Variants in LTN1 observed in about 807,000 individuals in gnomAD.
The protein encoded by LTN1 is listerin E3 ubiquitin protein ligase 1.
LTN1 carries 88 observed loss-of-function variants against 201.2 expected under a neutral mutation model. The observed-to-expected ratio is 0.44, with a 90% CI of 0.37 to 0.52. The LOEUF (loss-of-function observed/expected upper bound fraction) is 0.52. Ranked by LOEUF, LTN1 falls within the 20% of genes least tolerant of loss-of-function variation. The pLI, the probability that LTN1 is intolerant of heterozygous loss-of-function variation, is 0.00. For synonymous variants in LTN1, 645 were observed against 713.5 expected (o/e 0.90, Z 1.53); for missense variants, 1,752 against 2,038.7 (o/e 0.86, Z 2.71).
chr21:28,960,406 G>T, intron 12 of LTN1, 111 bp downstream of exon 12: 4 of 761,346 alleles, frequency 5.3e-6, no homozygotes, highest in East Asian at 2.9e-5. Flanking sequence ...ATTTGAATGA[G>T]TAAGTCCTGT....
At chr21:28,990,181 T>C (rs1664887187) in intron 1 of LTN1, among the ~76,000 whole-genome samples, 1 of 152,194 alleles carries the variant, frequency 6.6e-6, no homozygotes. Context: ...GCATCATAAT[T>C]CTTTAACATT....
intron 7 of LTN1, 32 bp from the exon 8 acceptor site, chr21:28,970,774 G>C (rs1340446327): frequency 6.6e-7 from 1 of 1,517,306 alleles, no homozygotes; most frequent in Middle Eastern, 1.7e-4. Context: ...GTAGTAATTA[G>C]AGATCATAAA....
In LTN1 at chr21:28,936,669, C is replaced by T. The variant is rs899889533; in HGVS notation, c.4511G>A (p.Arg1504Gln). 8 of 1,612,138 alleles carry T rather than the reference C, an allele frequency of 5.0e-6. 1 individual carries two copies. In the South Asian group the frequency reaches 5.5e-5, roughly 11 times the overall value. Residue 1504 changes from arginine (R) to glutamine (Q), a missense_variant, in exon 26 of 30, where the codon CGG becomes CAG. Physicochemically the swap from Arg to Gln is conservative, Grantham distance 43. Coordinates refer to ENST00000361371, the MANE Select transcript of LTN1 (RefSeq NM_015565.3). ...CAATTTATTCAAACTCTTTGTTTTC[C>T]GAAGATACATGGAATACAAAGCCCG... ...QLRALYSMYL[R>Q]KTKSLNKLLY...
Position 28,965,913 on chromosome 21 carries a change from A to C in LTN1, c.2122-7T>G, listed in dbSNP as rs1298691633. The C allele has an allele frequency of 6.6e-7, 1 of 1,525,228 alleles. No individual in the cohort carries two copies. Among genetic ancestry groups the C allele is most frequent in the Non-Finnish European group, 9.0e-7 (1 of 1,113,040 alleles). 94.5% of individuals were successfully genotyped at this position (1,525,228 alleles called of 1,614,324 possible). On this transcript the variant is annotated splice_region_variant and splice_polypyrimidine_tract_variant and intron_variant, in intron 10 of 29. Transcript: ENST00000361371. Reference sequence around the variant, plus strand: ...AATTCCATTTCAAGTCCACCTGAAAAAAGAAAAAGAGTTAGAAACAATCTG... The same window carrying C: ...AATTCCATTTCAAGTCCACCTGAAACAAGAAAAAGAGTTAGAAACAATCTG...
At chr21:28,979,753 T>C (rs921637512) in intron 6 of LTN1, among the ~76,000 whole-genome samples, 1 of 152,120 alleles carries the variant, frequency 6.6e-6, no homozygotes, top group Non-Finnish European at 1.5e-5. Flanking sequence ...GTGGATCATC[T>C]GAGGTTAGGA....
intron 18 of LTN1, among the ~76,000 whole-genome samples, chr21:28,948,934 T>C (rs1439489243): frequency 6.6e-6 from 1 of 152,242 alleles, no homozygotes; most frequent in African/African-American, 2.4e-5. Flanking sequence ...AGGATTTGAA[T>C]GTATTATATG....
intron 18 of LTN1, among the ~76,000 whole-genome samples, chr21:28,951,077 CTG>C (rs2084378695): frequency 6.6e-6 from 1 of 151,248 alleles, no homozygotes; most frequent in South Asian, 2.1e-4. Context: ...AGTCAACTGA[CTG>C]TATCAATGCC....
At chr21:28,935,015 T>C in intron 27 of LTN1, 94 bp downstream of exon 27, 1 of 843,670 alleles carries the variant, frequency 1.2e-6, no homozygotes, top group Non-Finnish European at 1.9e-6. Context: ...CTATAAATTC[T>C]GAGTTAAGAG....
chr21:28,982,123 A>G (rs1165403017), intron 5 of LTN1, among the ~76,000 whole-genome samples, 193 bp downstream of exon 5: 1 of 152,178 alleles, frequency 6.6e-6, no homozygotes, highest in East Asian at 1.9e-4. Flanking sequence ...AGGCTTAGGC[A>G]TGAGAATCAT....
intron 27 of LTN1, among the ~76,000 whole-genome samples, chr21:28,934,431 C>A (rs1358214014): frequency 2.0e-5 from 3 of 152,062 alleles, no homozygotes; most frequent in Non-Finnish European, 2.9e-5. Context: ...GGATGGATTT[C>A]CCACGGGTGC....
chr21:28,952,289 T>C (rs2084389186), intron 17 of LTN1, 25 bp from the exon 18 acceptor site: 6 of 1,373,602 alleles, frequency 4.4e-6, no homozygotes. Context: ...AAAAAAATTA[T>C]ATTCCGTTTT....
chr21:28,972,162 T>C (rs949946922), intron 6 of LTN1, among the ~76,000 whole-genome samples: 1 of 152,180 alleles, frequency 6.6e-6, no homozygotes, highest in African/African-American at 2.4e-5. Context: ...CCTTCTGCCA[T>C]GTGAGGACAC....
Position 28,930,482 on chromosome 21 carries a change from G to A in LTN1, c.5267C>T (p.Ser1756Phe), listed in dbSNP as rs1407636631. 2 of 1,612,972 alleles carry A rather than the reference G, an allele frequency of 1.2e-6. No individual in the cohort carries two copies. The highest frequency in any genetic ancestry group is 2.2e-5 in the East Asian group (1 of 44,818). ...LYKWFTSSNK[S>F]TCPLCRETFF ...CGTCTCACGACACAGTGGACAAGTG[G>A]ATTTGTTGCTAGATGTAAACCATTT... Residue 1756 changes from serine (S) to phenylalanine (F), a missense_variant, in exon 30 of 30, where the codon TCC becomes TTC. Around this residue, in one of 3 missense-constraint regions of LTN1, gnomAD observed 261 missense variants for 350.1 expected, o/e 0.75. Coordinates refer to ENST00000361371, the MANE Select transcript of LTN1 (RefSeq NM_015565.3).
At chr21:28,960,461 C>A in intron 12 of LTN1, 56 bp downstream of exon 12, 1 of 1,391,738 alleles carries the variant, frequency 7.2e-7, no homozygotes, top group Non-Finnish European at 1.0e-6. Flanking sequence ...TGCAATCCCC[C>A]ACAAAGGAGA....
chr21:28,930,527 TTTAAATAC>T lies in LTN1; in HGVS notation c.5239-25_5239-18del. ...CCATTTGTACTGAAAAAGAAAAGGT[TTTAAATAC>T]TAAAAGAACTTTTAAAGTTCTCCTC... On this transcript the variant is annotated intron_variant, in intron 29 of 29. Coordinates refer to ENST00000361371, the MANE Select transcript of LTN1 (RefSeq NM_015565.3). The T allele has an allele frequency of 1.3e-6, 2 of 1,572,228 alleles. No homozygotes were observed. Among genetic ancestry groups the T allele is most frequent in the Non-Finnish European group, 1.7e-6 (2 of 1,144,958 alleles).
intron 3 of LTN1, 80 bp from the exon 4 acceptor site, chr21:28,985,002 A>G (rs917422562): frequency 3.2e-6 from 3 of 930,234 alleles, no homozygotes; most frequent in African/African-American, 3.4e-5. Flanking sequence ...TGCTATAATG[A>G]CCCATTACCA....
At chr21:28,951,543 C>A (rs919040929) in intron 18 of LTN1, among the ~76,000 whole-genome samples, 5 of 151,182 alleles carry the variant, frequency 3.3e-5, no homozygotes, top group African/African-American at 1.2e-4. Flanking sequence ...TAGGAAAGGG[C>A]AAAAGAAAAG....
At chr21:28,970,158 G>A (rs1388101297) in intron 8 of LTN1, among the ~76,000 whole-genome samples, 1 of 152,142 alleles carries the variant, frequency 6.6e-6, no homozygotes, top group Non-Finnish European at 1.5e-5. Flanking sequence ...ATCTATAGTA[G>A]TTAAAGTTGT....
rs1175823344 is a variant in LTN1, at chr21:28,981,178, A to G, written c.751T>C (p.Phe251Leu). 2 of 1,596,822 alleles carry G rather than the reference A, an allele frequency of 1.3e-6. No homozygotes were observed. Among genetic ancestry groups the G allele is most frequent in the African/African-American group, 2.7e-5 (2 of 73,944 alleles). The part of the protein sequence containing the change: ...DNELDSLEEK[F>L]KSLLSQNKFW... ...TTATTCTGTGATAAAAGAGACTTAA[A>G]TTTCTCCTCCAGAGAATCAAGCTCA... The change falls in exon 6 of 30, where the codon TTT becomes CTT. Residue 251 changes from phenylalanine to leucine, a missense_variant. By Grantham distance (22) the Phe-to-Leu change is conservative. This residue lies in a region of LTN1 where 280 missense variants were observed against 375.7 expected (regional missense o/e 0.75). Coordinates refer to ENST00000361371, the MANE Select transcript of LTN1 (RefSeq NM_015565.3).
Sources: gnomAD v4.1 joint callset for allele counts (sites outside exome capture counted in the v4.1 genomes callset) on GRCh38, gnomAD v4.1.1 for gene constraint, gnomAD v4.1.1 regional missense constraint, MANE v1.5 for transcripts, NCBI Gene and HGNC (gene_info 2026-07-23, HGNC 2026-07-21) for gene names.